Variants in STAT5B observed in about 807,000 individuals in gnomAD.
The protein encoded by STAT5B is signal transducer and activator of transcription 5B.
In STAT5B, 21 loss-of-function variants were observed where a neutral mutation model predicts 107.8. The observed-to-expected ratio is 0.19, with a 90% CI of 0.14 to 0.28. STAT5B has a LOEUF of 0.28. Ranked by LOEUF, STAT5B falls within the 10% of genes least tolerant of loss-of-function variation. STAT5B has a pLI of 1.00. For synonymous variants in STAT5B, 325 were observed against 401.7 expected, an observed-to-expected ratio of 0.81 and a Z score of 2.28; for missense variants, 565 against 1,008.2, an observed-to-expected ratio of 0.56 and a Z score of 5.95.
upstream of STAT5B, among the ~76,000 whole-genome samples, chr17:42,280,386 T>G (rs1021641957): frequency 7.9e-5 from 12 of 152,030 alleles, no homozygotes; most frequent in African/African-American, 2.9e-4. Context: ...CTTCCCTGCT[T>G]CACATCCTCC....
At chr17:42,278,887 G>A (rs1288088130), upstream of STAT5B, among the ~76,000 whole-genome samples, 6 of 151,808 alleles carry the variant, frequency 4.0e-5, no homozygotes, top group African/African-American at 7.3e-5. Flanking sequence ...GCTGAGGCAG[G>A]AGAATTGCTT....
At chr17:42,214,622 A>G (rs934110623) in intron 12 of STAT5B, 37 of 985,134 alleles carry the variant, frequency 3.8e-5, no homozygotes, top group Non-Finnish European at 4.5e-5. Flanking sequence ...ACAAAACAAA[A>G]CATAATCAAG....
At chr17:42,221,215 G>C (rs202084468) in intron 5 of STAT5B, among the ~76,000 whole-genome samples, 66 of 151,768 alleles carry the variant, frequency 4.3e-4, no homozygotes, top group South Asian at 6.2e-4. Context: ...ATCATCCAGG[G>C]ACGGACAGAT....
intron 1 of STAT5B, among the ~76,000 whole-genome samples, chr17:42,242,374 C>T (rs2080411471): frequency 6.6e-6 from 1 of 152,088 alleles, no homozygotes; most frequent in Non-Finnish European, 1.5e-5. Context: ...AGCATTTAGT[C>T]TCAAAGTACT....
intron 1 of STAT5B, among the ~76,000 whole-genome samples, chr17:42,264,031 A>G (rs76005845): frequency 0.034 from 5,130 of 152,110 alleles, 281 homozygotes; most frequent in African/African-American, 0.12. Flanking sequence ...AATTTTGTGT[A>G]GGTCATTAAA....
intron 16 of STAT5B, 26 bp downstream of exon 16, chr17:42,207,532 T>C (rs775522422): frequency 3.7e-5 from 59 of 1,593,764 alleles, no homozygotes; most frequent in Non-Finnish European, 5.1e-5. Context: ...CACAACAAAA[T>C]CAAATCAGAA....
At position 42,250,276 on chromosome 17, in the gene STAT5B, T is replaced by G. The variant is rs553076174; in HGVS notation, c.-10-18139A>C. Among the ~76,000 whole-genome samples, 4 of 152,300 alleles carry G rather than the reference T, an allele frequency of 2.6e-5. No homozygotes were observed. The South Asian group carries it at 8.3e-4, about 32-fold the overall frequency. On this transcript the variant is annotated intron_variant, in intron 1 of 18. Transcript: ENST00000293328. ...AGCTCTTGTTCTAAAATGTCTGGGC[T>G]TTGATGATGGAGAGTATTTTAACCC... is the stretch of plus-strand genomic sequence containing the variant.
intron 1 of STAT5B, among the ~76,000 whole-genome samples, chr17:42,255,239 G>A (rs901900748): frequency 1.3e-5 from 2 of 152,198 alleles, no homozygotes; most frequent in African/African-American, 2.4e-5. Flanking sequence ...TAATCAGGCT[G>A]TAAGAATGAG....
intron 1 of STAT5B, among the ~76,000 whole-genome samples, chr17:42,262,794 A>T (rs561631208): frequency 9.0e-6 from 1 of 111,126 alleles, no homozygotes; most frequent in Non-Finnish European, 1.8e-5. Context: ...ATACACATAT[A>T]TATGTGTGTA....
At chr17:42,238,088 AC>A (rs1444271406) in intron 1 of STAT5B, among the ~76,000 whole-genome samples, 2 of 146,538 alleles carry the variant, frequency 1.4e-5, no homozygotes, top group Non-Finnish European at 3.0e-5. Flanking sequence ...TCCAGTATAA[AC>A]TTTTCTATCC....
intron 1 of STAT5B, among the ~76,000 whole-genome samples, chr17:42,239,613 C>T (rs2080386023): frequency 6.6e-6 from 1 of 152,202 alleles, no homozygotes; most frequent in South Asian, 2.1e-4. Context: ...TGAATCTACT[C>T]TTTATCCTAA....
intron 1 of STAT5B, among the ~76,000 whole-genome samples, chr17:42,264,561 TA>T (rs2080650511): frequency 6.6e-6 from 1 of 152,148 alleles, no homozygotes; most frequent in Non-Finnish European, 1.5e-5. Context: ...GGCTGCATAG[TA>T]TTCCATGGTG....
In STAT5B at chr17:42,248,273, CAAAAAAA is replaced by C. The variant is rs61401221; in HGVS notation, c.-10-16143_-10-16137del. Among the ~76,000 whole-genome samples the C allele has an allele frequency of 1.9e-3, 129 of 69,192 alleles. 1 individual carries two copies. Among genetic ancestry groups the C allele is most frequent in the East Asian group, 5.6e-3 (13 of 2,342 alleles). The allele number at this position is 69,192 out of a possible 152,430, so 45.4% of individuals were successfully genotyped here. ...CTGGGTGACATTGTAAGATCTTGTCCAAAAAAAAAAAAAAAAAAAAAAATCTTATTCT... is the reference window on the plus strand; with the variant it reads ...CTGGGTGACATTGTAAGATCTTGTCCAAAAAAAAAAAAAAAATCTTATTCT... On this transcript the variant is annotated intron_variant, in intron 1 of 18. Transcript: ENST00000293328.
At chr17:42,203,962 G>A (rs910604969) in intron 16 of STAT5B, among the ~76,000 whole-genome samples, 2 of 152,094 alleles carry the variant, frequency 1.3e-5, no homozygotes, top group East Asian at 1.9e-4. Flanking sequence ...GTGCATACAC[G>A]TCAGGGATCT....
Position 42,201,765 on chromosome 17 carries a change from A to G in STAT5B, c.2337T>C (p.Ser779=), listed in dbSNP as rs546587896. Residue 779 remains serine, a synonymous_variant, in exon 19 of 19, where the codon AGT becomes AGC. Coordinates refer to ENST00000293328, the MANE Select transcript of STAT5B (RefSeq NM_012448.4). ...ACGATTGTGCGTGCGGGATCCACTG[A>G]CTGTCCATTGGCCGGCCCAGGAGCT... is the stretch of plus-strand genomic sequence containing the variant. ...VEELLGRPMD[S]QWIPHAQS is the part of the protein sequence containing the mutation. 2 of 1,613,954 alleles carry G rather than the reference A, an allele frequency of 1.2e-6. No individual in the cohort carries two copies. The highest frequency in any genetic ancestry group is 1.7e-6 in the Non-Finnish European group (2 of 1,179,814).
At chr17:42,266,648 G>C (rs1216800861) in intron 1 of STAT5B, among the ~76,000 whole-genome samples, 1 of 151,990 alleles carries the variant, frequency 6.6e-6, no homozygotes, top group Non-Finnish European at 1.5e-5. Context: ...GTTGAGGTGG[G>C]AGGTGTGGAG....
In STAT5B at chr17:42,261,791, C is replaced by A. The variant is rs1333404043; in HGVS notation, c.-11+14457G>T. On this transcript the variant is annotated intron_variant, in intron 1 of 18. Transcript: ENST00000293328. ...CCCAGGATACTTTTGAACCCCTGGG[C>A]TCAAGTGATGAGCCCACCTCAGCCT... is the stretch of plus-strand genomic sequence containing the variant. Among the ~76,000 whole-genome samples the A allele has an allele frequency of 2.0e-5, 3 of 152,150 alleles. No individual in the cohort carries two copies. In the East Asian group the frequency reaches 5.8e-4, roughly 29 times the overall value.
chr17:42,211,871 T>C, intron 13 of STAT5B, 113 bp downstream of exon 13: 1 of 1,486,728 alleles, frequency 6.7e-7, no homozygotes, highest in Non-Finnish European at 9.2e-7. Context: ...TTCTATTACT[T>C]TCGGTACATT....
At chr17:42,204,376 G>T (rs2080069905) in intron 16 of STAT5B, among the ~76,000 whole-genome samples, 1 of 152,188 alleles carries the variant, frequency 6.6e-6, no homozygotes, top group Non-Finnish European at 1.5e-5. Context: ...TCAGTACAAA[G>T]TTAATTATAC....
Sources: gnomAD v4.1 joint callset for allele counts (sites outside exome capture counted in the v4.1 genomes callset) on GRCh38, gnomAD v4.1.1 for gene constraint, MANE v1.5 for transcripts, NCBI Gene and HGNC (gene_info 2026-07-23, HGNC 2026-07-21) for gene names.